The following KATNIP variants were observed in gnomAD, a reference collection of about 807,000 sequenced individuals.
KATNIP encodes katanin interacting protein.
In KATNIP, 126 loss-of-function variants were observed where a neutral mutation model predicts 174.0. That is an observed-to-expected ratio of 0.72 (90% CI 0.63 to 0.84). The LOEUF is 0.84. Ranked by LOEUF, KATNIP falls within the 40% of genes least tolerant of loss-of-function variation. The probability of loss-of-function intolerance (pLI) is 0.00; values close to 1 mark genes in which losing one functional copy is unlikely to be tolerated. For missense variants in KATNIP, 1,958 were observed against 2,109.7 expected, an observed-to-expected ratio of 0.93 and a Z score of 1.41; for synonymous variants, 810 against 835.7, an observed-to-expected ratio of 0.97 and a Z score of 0.53.
At chr16:27,581,498 C>G (rs561656527) in intron 2 of KATNIP, among the ~76,000 whole-genome samples, 75 of 152,234 alleles carry the variant, frequency 4.9e-4, no homozygotes, top group African/African-American at 1.7e-3. Flanking sequence ...CATTCAGTGA[C>G]CACTCCTATA....
chr16:27,767,660 A>G (rs1462686934), intron 20 of KATNIP, among the ~76,000 whole-genome samples: 2 of 152,196 alleles, frequency 1.3e-5, no homozygotes, highest in African/African-American at 4.8e-5. Flanking sequence ...GCAGTGAGCT[A>G]TGATCTCATC....
At chr16:27,750,442 C>T (rs548989362) in intron 16 of KATNIP, 136 bp downstream of exon 16, 40 of 864,730 alleles carry the variant, frequency 4.6e-5, no homozygotes, top group African/African-American at 1.3e-4. Flanking sequence ...TTTTTTGAGA[C>T]GGAGTCTTGC....
intron 14 of KATNIP, among the ~76,000 whole-genome samples, chr16:27,736,262 C>T (rs1227889646): frequency 6.6e-6 from 1 of 152,174 alleles, no homozygotes; most frequent in Non-Finnish European, 1.5e-5. Context: ...CTCGGCCTAC[C>T]AAAGTGTTGG....
intron 2 of KATNIP, among the ~76,000 whole-genome samples, chr16:27,576,889 G>A (rs2090517793): frequency 1.3e-5 from 2 of 152,084 alleles, no homozygotes; most frequent in Admixed American, 6.5e-5. Context: ...AGGTGGTAAG[G>A]TGGTGTGGCC....
intron 8 of KATNIP, among the ~76,000 whole-genome samples, chr16:27,686,393 A>T (rs1202436718): frequency 6.6e-6 from 1 of 152,218 alleles, no homozygotes; most frequent in African/African-American, 2.4e-5. Flanking sequence ...TGTCTGATAT[A>T]AAGCTACTCC....
At chr16:27,589,485 T>C (rs1230390736) in intron 2 of KATNIP, among the ~76,000 whole-genome samples, 1 of 152,228 alleles carries the variant, frequency 6.6e-6, no homozygotes, top group Non-Finnish European at 1.5e-5. Flanking sequence ...CTGTGATTAA[T>C]TTGCTTACCC....
At chr16:27,708,409 G>T (rs1343779734) in intron 12 of KATNIP, 2 of 325,792 alleles carry the variant, frequency 6.1e-6, no homozygotes, top group Admixed American at 4.6e-5. Context: ...AGACGTGCAT[G>T]TTCAGGCAGA....
At chr16:27,701,783 G>C in intron 11 of KATNIP, 88 bp downstream of exon 11, 1 of 875,700 alleles carries the variant, frequency 1.1e-6, no homozygotes, top group East Asian at 2.7e-5. Context: ...CTTTTCCTAC[G>C]TTTTTTTCAG....
intron 5 of KATNIP, among the ~76,000 whole-genome samples, chr16:27,644,960 G>A (rs558494673): frequency 6.6e-6 from 1 of 152,290 alleles, no homozygotes; most frequent in Non-Finnish European, 1.5e-5. Flanking sequence ...GCTCAGATTT[G>A]TGCATGGACA....
chr16:27,567,526 G>A (rs2090135190), intron 1 of KATNIP, among the ~76,000 whole-genome samples: 1 of 151,856 alleles, frequency 6.6e-6, no homozygotes, highest in South Asian at 2.1e-4. Context: ...GTTTGTTTGT[G>A]TTTTTGTTGT....
chr16:27,749,614 G>A lies in KATNIP; in HGVS notation c.2654G>A (p.Arg885Gln), dbSNP rs16976970. The change falls in exon 16 of 28, where the codon CGG (arginine) becomes CAG (glutamine). Residue 885 changes from arginine to glutamine, a missense_variant. Around this residue, in one of 3 missense-constraint regions of KATNIP, gnomAD observed 1,557 missense variants for 1,617.8 expected, o/e 0.96. Transcript: ENST00000261588. ...ACCTGGTCTTCCAGGACGCCGTCAC[G>A]GTCAAGGTGGCGCAGTGAGCAGGAG... ...EDTWSSRTPS[R>Q]SRWRSEQEHT... The A allele has an allele frequency of 0.022, 33,333 of 1,543,002 alleles. 472 individuals carry two copies. Among genetic ancestry groups the A allele is most frequent in the Non-Finnish European group, 0.026 (30,221 of 1,146,266 alleles).
At chr16:27,645,105 C>T (rs1020673202) in intron 5 of KATNIP, among the ~76,000 whole-genome samples, 3 of 152,224 alleles carry the variant, frequency 2.0e-5, no homozygotes, top group African/African-American at 7.2e-5. Flanking sequence ...GTGGCAGTTT[C>T]TCTGGTTCAC....
rs184205762 is a variant in KATNIP, at chr16:27,677,847, C to T, written c.659C>T (p.Pro220Leu). The change falls in exon 7 of 28, where the codon CCG becomes CTG. Residue 220 changes from proline to leucine, a missense_variant. By Grantham distance (98) the Pro-to-Leu change is moderately conservative. This residue lies in a region of KATNIP where 1,557 missense variants were observed against 1,617.8 expected (regional missense o/e 0.96). Coordinates refer to ENST00000261588, the MANE Select transcript of KATNIP (RefSeq NM_015202.5). The part of the protein sequence containing the change: ...DILSEPEPED[P>L]ALVGHPRHDR... The stretch of plus-strand genomic sequence containing the variant: ...CTCTCTGAGCCTGAGCCAGAGGACC[C>T]GGCACTGGTGGGCCATCCCAGACAT... 2.7e-5 allele frequency: 44 copies of T among 1,614,202 alleles called. No homozygotes were observed. Among genetic ancestry groups the T allele is most frequent in the East Asian group, 4.5e-5 (2 of 44,870 alleles).
At chr16:27,726,912 C>G (rs1273781842) in intron 14 of KATNIP, among the ~76,000 whole-genome samples, 1 of 152,200 alleles carries the variant, frequency 6.6e-6, no homozygotes, top group South Asian at 2.1e-4. Flanking sequence ...GAGGTGGGGA[C>G]CAGATCCTGT....
intron 6 of KATNIP, chr16:27,660,038 T>C: frequency 1.0e-6 from 1 of 979,950 alleles, no homozygotes; most frequent in African/African-American, 1.7e-5. Context: ...GAGTCTTGTT[T>C]TAGGGAGGAG....
chr16:27,771,475 C>T (rs1396623409), intron 21 of KATNIP, 113 bp from the exon 22 acceptor site: 12 of 956,936 alleles, frequency 1.3e-5, no homozygotes, highest in Admixed American at 1.1e-4. Flanking sequence ...CTGCTGCATC[C>T]TAGGGAACGC....
At chr16:27,692,157 C>G (rs1401154655) in intron 8 of KATNIP, among the ~76,000 whole-genome samples, 1 of 152,212 alleles carries the variant, frequency 6.6e-6, no homozygotes, top group Non-Finnish European at 1.5e-5. Flanking sequence ...TGTCCTGGTG[C>G]TGCCCAAGCC....
intron 5 of KATNIP, among the ~76,000 whole-genome samples, chr16:27,636,268 T>C (rs1331690284): frequency 6.6e-6 from 1 of 152,240 alleles, no homozygotes; most frequent in Non-Finnish European, 1.5e-5. Context: ...GTCCAGCTAC[T>C]GCCTTTGGAT....
chr16:27,699,644 G>A (rs774119707), intron 10 of KATNIP, 45 bp downstream of exon 10: 21 of 1,612,176 alleles, frequency 1.3e-5, no homozygotes, highest in Admixed American at 5.0e-5. Context: ...ACGCATGTGC[G>A]TAGCTCCCGA....
Sources: allele counts gnomAD v4.1 joint callset (sites outside exome capture counted in the v4.1 genomes callset), GRCh38; gene constraint gnomAD v4.1.1; regional missense constraint gnomAD v4.1.1; transcripts MANE v1.5; gene names NCBI Gene and HGNC (gene_info 2026-07-23, HGNC 2026-07-21).